TRDN: variants seen among roughly 807,000 people sequenced by gnomAD.
TRDN encodes the protein triadin, also known as triadin in skeletal muscle.
In TRDN, 161 loss-of-function variants were observed where a neutral mutation model predicts 149.7. That is an observed-to-expected ratio of 1.08 (90% confidence interval 0.95 to 1.23). The LOEUF (loss-of-function observed/expected upper bound fraction) is 1.23, where lower values mean the gene tolerates loss of function less well. Among genes scored for constraint, TRDN ranks in the 50% most tolerant of loss-of-function variants. TRDN has a pLI of 0.00. For synonymous variants in TRDN, 294 were observed against 250.5 expected, an observed-to-expected ratio of 1.17 and a Z score of -1.64; for missense variants, 896 against 823.5, an observed-to-expected ratio of 1.09 and a Z score of -1.08.
At chr6:123,369,757 T>A (rs955642315) in intron 19 of TRDN, among the ~76,000 whole-genome samples, 1 of 152,130 alleles carries the variant, frequency 6.6e-6, no homozygotes. Context: ...AGGTGATCAG[T>A]TCCTGCCCCT....
chr6:123,375,287 CT>C lies in TRDN; in HGVS notation c.1273+317del, dbSNP rs983232100. On this transcript the variant is annotated intron_variant, in intron 19 of 40. Coordinates refer to ENST00000334268, the MANE Select transcript of TRDN (RefSeq NM_006073.4). ...CTACTGGTTTGATCAACTGATTAAT[CT>C]TTAGGATAATTCAGTCTGATGTGTA... 1.5e-3 allele frequency among the ~76,000 whole-genome samples: 230 copies of C among 152,188 alleles called. 1 individual carries two copies. The highest frequency in any genetic ancestry group is 5.4e-3 in the African/African-American group (224 of 41,532).
intron 1 of TRDN, among the ~76,000 whole-genome samples, chr6:123,617,892 C>A (rs2114700834): frequency 6.6e-6 from 1 of 152,176 alleles, no homozygotes; most frequent in African/African-American, 2.4e-5. Context: ...TGCCCGCCAA[C>A]ACACCCGGCT....
chr6:123,565,699 A>G (rs1782253104), intron 2 of TRDN, among the ~76,000 whole-genome samples: 1 of 152,188 alleles, frequency 6.6e-6, no homozygotes. Flanking sequence ...TCATGATCCC[A>G]GAGAGTCTAG....
At chr6:123,359,995 G>A (rs774946517) in intron 20 of TRDN, among the ~76,000 whole-genome samples, 1 of 152,046 alleles carries the variant, frequency 6.6e-6, no homozygotes, top group African/African-American at 2.4e-5. Flanking sequence ...GCGCCTGGCC[G>A]TGAAGGGGAA....
In TRDN at chr6:123,512,333, CT is replaced by C; in HGVS notation, c.579del (p.Glu194LysfsTer29). On this transcript the variant is annotated frameshift_variant, in exon 7 of 41. Coordinates refer to ENST00000334268, the MANE Select transcript of TRDN (RefSeq NM_006073.4). LOFTEE classifies it high-confidence loss of function. ...GCCAGTGTCTTTGTTTCTGGTTTTT[CT>C]TTTTTCTCAATTTTTTCCTTGTGAG... is the stretch of plus-strand genomic sequence containing the variant. ...KATHKEKIEK[K>X]EKPETKTLAK... 2 of 1,502,488 alleles carry C rather than the reference CT, an allele frequency of 1.3e-6. No individual in the cohort carries two copies. The highest frequency in any genetic ancestry group is 1.8e-6 in the Non-Finnish European group (2 of 1,094,736). 93.1% of individuals were successfully genotyped at this position (1,502,488 alleles called of 1,614,324 possible).
At chr6:123,546,074 A>G (rs118098924) in intron 4 of TRDN, among the ~76,000 whole-genome samples, 2,089 of 152,248 alleles carry the variant, frequency 0.014, 30 homozygotes, top group Admixed American at 0.021. Flanking sequence ...GATAATGACT[A>G]ATAACTCACT....
At chr6:123,384,861 T>G (rs993809567) in intron 14 of TRDN, among the ~76,000 whole-genome samples, 6 of 152,180 alleles carry the variant, frequency 3.9e-5, no homozygotes, top group African/African-American at 1.4e-4. Context: ...CCTGAAGAGC[T>G]ATTAATACTA....
chr6:123,483,882 A>G (rs1025315464), intron 9 of TRDN, among the ~76,000 whole-genome samples: 1 of 152,166 alleles, frequency 6.6e-6, no homozygotes, highest in Admixed American at 6.5e-5. Context: ...ACTGTCTTTC[A>G]ATTGTGGAAC....
chr6:123,473,399 G>C (rs1410818865), intron 9 of TRDN, among the ~76,000 whole-genome samples: 2 of 151,690 alleles, frequency 1.3e-5, no homozygotes, highest in African/African-American at 4.8e-5. Context: ...AGAGAAAAAA[G>C]AATAAAAAGA....
At chr6:123,452,236 G>T (rs937899408) in intron 10 of TRDN, among the ~76,000 whole-genome samples, 2 of 152,106 alleles carry the variant, frequency 1.3e-5, no homozygotes, top group Non-Finnish European at 2.9e-5. Context: ...AGTACTAGAA[G>T]TCCTAGCCAG....
intron 2 of TRDN, among the ~76,000 whole-genome samples, chr6:123,553,044 A>C (rs1451369858): frequency 6.6e-6 from 1 of 152,194 alleles, no homozygotes; most frequent in Non-Finnish European, 1.5e-5. Context: ...TGCGTAATAC[A>C]TGAGATAATA....
intron 26 of TRDN, among the ~76,000 whole-genome samples, chr6:123,275,254 A>G (rs6906494): frequency 0.87 from 131,949 of 152,018 alleles, 57,589 homozygotes; most frequent in East Asian, 0.99. Context: ...GGTAAGATGA[A>G]GTCATGCTAG....
At chr6:123,436,521 C>A (rs796811933) in intron 12 of TRDN, among the ~76,000 whole-genome samples, 1 of 152,010 alleles carries the variant, frequency 6.6e-6, no homozygotes, top group Non-Finnish European at 1.5e-5. Flanking sequence ...GATATTTCTA[C>A]GCATTTCTAT....
chr6:123,593,651 A>G (rs79301110), intron 1 of TRDN, among the ~76,000 whole-genome samples: 6,699 of 152,188 alleles, frequency 0.044, 201 homozygotes, highest in Non-Finnish European at 0.058. Flanking sequence ...CTGTCTCCAA[A>G]TTTCCCCTTT....
chr6:123,329,923 T>C (rs1197485529), intron 23 of TRDN, among the ~76,000 whole-genome samples: 1 of 152,152 alleles, frequency 6.6e-6, no homozygotes, highest in Non-Finnish European at 1.5e-5. Context: ...AAGAAAATGG[T>C]ACAATGAAGT....
chr6:123,612,356 A>T (rs1193597124), intron 1 of TRDN, among the ~76,000 whole-genome samples: 1 of 151,530 alleles, frequency 6.6e-6, no homozygotes, highest in Non-Finnish European at 1.5e-5. Flanking sequence ...ACATGTATAC[A>T]TATGTAACAA....
At chr6:123,259,469 G>A (rs1776681538) in intron 35 of TRDN, among the ~76,000 whole-genome samples, 155 bp downstream of exon 35, 1 of 152,020 alleles carries the variant, frequency 6.6e-6, no homozygotes, top group Non-Finnish European at 1.5e-5. Context: ...TTTGCATGAT[G>A]AACTGTAATG....
intron 23 of TRDN, among the ~76,000 whole-genome samples, chr6:123,322,140 C>T (rs1779264483): frequency 6.6e-6 from 1 of 152,152 alleles, no homozygotes; most frequent in Non-Finnish European, 1.5e-5. Flanking sequence ...CCCTGATTAT[C>T]TTTCTGAATT....
intron 12 of TRDN, among the ~76,000 whole-genome samples, chr6:123,414,920 A>C (rs1718048466): frequency 6.6e-6 from 1 of 152,140 alleles, no homozygotes; most frequent in South Asian, 2.1e-4. Flanking sequence ...AACATATCAA[A>C]TTTTATTAAA....
Sources: gnomAD v4.1 joint callset for allele counts (sites outside exome capture counted in the v4.1 genomes callset) on GRCh38, gnomAD v4.1.1 for gene constraint, MANE v1.5 for transcripts, NCBI Gene and HGNC (gene_info 2026-07-23, HGNC 2026-07-21) for gene names.